Variants in ANXA3 observed in about 807,000 individuals in gnomAD.
ANXA3 encodes 35-alpha calcimedin.
Under a neutral mutation model 48.8 loss-of-function variants are expected in ANXA3, and 46 were observed. The observed-to-expected ratio is 0.94, with a 90% CI of 0.74 to 1.21. The LOEUF is 1.21. Among genes scored for constraint, ANXA3 ranks in the 50% most tolerant of loss-of-function variants. The pLI is 0.00. For missense variants in ANXA3, 383 were observed against 378.6 expected (o/e 1.01, Z -0.10); for synonymous variants, 128 against 134.7 (o/e 0.95, Z 0.35).
At chr4:78,602,251 A>T in intron 11 of ANXA3, 1 of 151,846 alleles carries the variant, frequency 6.6e-6, no homozygotes, top group East Asian at 1.9e-4. Context: ...AAAAAAAAAA[A>T]AAAAAAAGAA....
chr4:78,560,525 T>G (rs1390458820), intron 2 of ANXA3, among the ~76,000 whole-genome samples: 1 of 152,190 alleles, frequency 6.6e-6, no homozygotes, highest in Non-Finnish European at 1.5e-5. Flanking sequence ...CTCCTTTGTG[T>G]CAGTGTGTTC....
chr4:78,605,365 G>T (rs1257482172), intron 12 of ANXA3, among the ~76,000 whole-genome samples: 2 of 152,146 alleles, frequency 1.3e-5, no homozygotes, highest in South Asian at 2.1e-4. Context: ...GTATAAGTAA[G>T]GCTGAATATA....
At position 78,610,267 on chromosome 4, in the gene ANXA3, G is replaced by A. The variant is rs761020674; in HGVS notation, c.*152G>A. 1 of 478,264 alleles carries A rather than the reference G, an allele frequency of 2.1e-6. No individual in the cohort carries two copies. The highest frequency in any genetic ancestry group is 4.4e-5 in the South Asian group (1 of 22,820). 29.6% of individuals were successfully genotyped at this position (478,264 alleles called of 1,614,324 possible). A position where few individuals can be genotyped will look rare whatever the true frequency, so the allele number is the denominator to read the frequency against. On this transcript the variant is annotated 3_prime_UTR_variant, in exon 13 of 13. Transcript: ENST00000264908. Reference sequence around the variant, plus strand: ...TTGTTCTATAACAACAACAACAAAAGCGATTATTATTTTAGAGCATCTCAT... The same window carrying A: ...TTGTTCTATAACAACAACAACAAAAACGATTATTATTTTAGAGCATCTCAT...
At chr4:78,555,250 T>C (rs7696371) in intron 2 of ANXA3, among the ~76,000 whole-genome samples, 1 of 152,016 alleles carries the variant, frequency 6.6e-6, no homozygotes. Flanking sequence ...TTGAAGAATA[T>C]TCTTGGAGTG....
At chr4:78,565,601 G>T (rs2109928369) in intron 2 of ANXA3, among the ~76,000 whole-genome samples, 1 of 152,288 alleles carries the variant, frequency 6.6e-6, no homozygotes, top group East Asian at 1.9e-4. Context: ...TGAGCAAATT[G>T]GCGATGAGCA....
intron 2 of ANXA3, among the ~76,000 whole-genome samples, chr4:78,565,686 T>A (rs1405834422): frequency 2.0e-5 from 3 of 152,220 alleles, no homozygotes; most frequent in African/African-American, 7.2e-5. Context: ...TTGGCGAGTG[T>A]CTTAACCGCT....
At chr4:78,585,471 T>TA (rs1490731685) in intron 5 of ANXA3, among the ~76,000 whole-genome samples, 3 of 152,244 alleles carry the variant, frequency 2.0e-5, no homozygotes, top group Non-Finnish European at 4.4e-5. Context: ...TGAGCATACA[T>TA]ATGGTACTTC....
intron 2 of ANXA3, among the ~76,000 whole-genome samples, chr4:78,569,469 T>A (rs1206210146): frequency 6.6e-6 from 1 of 152,238 alleles, no homozygotes; most frequent in East Asian, 1.9e-4. Flanking sequence ...CCTGAAGCGA[T>A]GAGCTCATCA....
intron 5 of ANXA3, among the ~76,000 whole-genome samples, chr4:78,583,936 T>C (rs1207042224): frequency 6.6e-6 from 1 of 152,218 alleles, no homozygotes; most frequent in Non-Finnish European, 1.5e-5. Context: ...ATTGAATAAG[T>C]GGCATTATAG....
intron 2 of ANXA3, among the ~76,000 whole-genome samples, chr4:78,560,997 T>A (rs1044763039): frequency 2.6e-5 from 4 of 152,194 alleles, no homozygotes; most frequent in Non-Finnish European, 5.9e-5. Flanking sequence ...TTTATGTTGA[T>A]CAGAAGCTCT....
intron 9 of ANXA3, chr4:78,597,003 A>G (rs1352084099): frequency 9.4e-6 from 2 of 212,218 alleles, no homozygotes; most frequent in Non-Finnish European, 1.8e-5. Context: ...AAAATTTAAA[A>G]TAGCCCAACT....
rs535335338 is a variant in ANXA3 at position 78,560,572 on chromosome 4, A to G, written c.15+6084A>G. Among the ~76,000 whole-genome samples, 3 of 152,336 alleles carry G rather than the reference A, an allele frequency of 2.0e-5. No homozygotes were observed. The East Asian group carries it at 5.8e-4, about 29-fold the overall frequency. ...AGCTCCTCTGAGCCTCAGTGTCCAG[A>G]ATTGTAATTGGAGTTCCATTATGTA... On this transcript the variant is annotated intron_variant, in intron 2 of 12. Transcript: ENST00000264908.
intron 1 of ANXA3, among the ~76,000 whole-genome samples, chr4:78,552,965 A>C (rs1352427740): frequency 6.6e-6 from 1 of 152,250 alleles, no homozygotes; most frequent in East Asian, 1.9e-4. Context: ...CCTTTCAGGA[A>C]AGGATATATT....
intron 11 of ANXA3, chr4:78,602,923 C>G (rs1488549321): frequency 6.6e-6 from 1 of 152,422 alleles, no homozygotes; most frequent in African/African-American, 2.4e-5. Flanking sequence ...TGTGGCAAGT[C>G]TATTCTCACA....
At chr4:78,604,905 T>C (rs887181760) in intron 12 of ANXA3, among the ~76,000 whole-genome samples, 1 of 152,230 alleles carries the variant, frequency 6.6e-6, no homozygotes, top group African/African-American at 2.4e-5. Flanking sequence ...TTCCAGTTTA[T>C]TGCTATTGCA....
At chr4:78,574,141 G>A (rs924262720) in intron 3 of ANXA3, among the ~76,000 whole-genome samples, 3 of 152,170 alleles carry the variant, frequency 2.0e-5, no homozygotes, top group African/African-American at 7.2e-5. Context: ...CCCCTTGGTT[G>A]GGCATGGTGG....
chr4:78,590,867 A>G (rs1408803411), intron 6 of ANXA3, among the ~76,000 whole-genome samples: 2 of 152,126 alleles, frequency 1.3e-5, no homozygotes, highest in African/African-American at 4.8e-5. Flanking sequence ...AAGTCTAGAC[A>G]TTGGCAATTC....
At chr4:78,580,207 A>G (rs1723044299) in intron 4 of ANXA3, among the ~76,000 whole-genome samples, 1 of 152,268 alleles carries the variant, frequency 6.6e-6, no homozygotes, top group Admixed American at 6.5e-5. Flanking sequence ...TCCTGCAGAT[A>G]GAGTGATGAA....
intron 12 of ANXA3, among the ~76,000 whole-genome samples, chr4:78,606,671 G>T (rs1723654588): frequency 6.7e-6 from 1 of 149,062 alleles, no homozygotes; most frequent in Middle Eastern, 3.4e-3. Flanking sequence ...TTTACAAATG[G>T]CCTTTGAATG....
Sources: allele counts gnomAD v4.1 joint callset (sites outside exome capture counted in the v4.1 genomes callset), GRCh38; gene constraint gnomAD v4.1.1; transcripts MANE v1.5; gene names NCBI Gene and HGNC (gene_info 2026-07-23, HGNC 2026-07-21).